The following FBXL17 variants were observed in gnomAD, a reference collection of about 807,000 sequenced individuals.
FBXL17 encodes the protein F-box and leucine rich repeat protein 17, also known as F-box/LRR-repeat protein 17.
Under a neutral mutation model 66.2 loss-of-function variants are expected in FBXL17, and 22 were observed. That is an observed-to-expected ratio of 0.33 (90% CI 0.24 to 0.47). FBXL17 has a LOEUF of 0.47. Among genes scored for constraint, FBXL17 ranks in the 20% least tolerant of loss-of-function variants. The probability of loss-of-function intolerance (pLI) is 1.00; values close to 1 mark genes in which losing one functional copy is unlikely to be tolerated. For missense variants in FBXL17, 878 were observed against 948.2 expected, an observed-to-expected ratio of 0.93 and a Z score of 0.97; for synonymous variants, 474 against 400.5, an observed-to-expected ratio of 1.18 and a Z score of -2.19.
intron 7 of FBXL17, among the ~76,000 whole-genome samples, chr5:107,977,423 T>C (rs1286588135): frequency 1.3e-5 from 2 of 152,210 alleles, no homozygotes; most frequent in Admixed American, 6.5e-5. Context: ...GTTGGTATTA[T>C]TACTCCTACT....
chr5:107,996,487 G>A (rs573272297), intron 7 of FBXL17, among the ~76,000 whole-genome samples: 1 of 152,174 alleles, frequency 6.6e-6, no homozygotes, highest in South Asian at 2.1e-4. Flanking sequence ...GCTAATTTTT[G>A]TATTTTTAGT....
rs745727643 is a variant in FBXL17 at position 108,348,439 on chromosome 5, C to G, written c.1466G>C (p.Cys489Ser). Residue 489 changes from cysteine to serine, a missense_variant, in exon 4 of 9, where the codon TGT (cysteine) becomes TCT (serine). Physicochemically the swap from Cys to Ser is moderately radical, Grantham distance 112. Transcript: ENST00000542267. ...CATGTATATCCTTTGTAATTTCAGA[C>G]AGCCCTTAGCTATGACGATCATGCC... ...DEGMIVIAKGCLKLQRIYMQE... is the reference protein window; with the variant it reads ...DEGMIVIAKGSLKLQRIYMQE... The G allele has an allele frequency of 6.2e-7, 1 of 1,613,552 alleles. No individual in the cohort carries two copies. The highest frequency in any genetic ancestry group is 8.5e-7 in the Non-Finnish European group (1 of 1,179,606).
intron 7 of FBXL17, among the ~76,000 whole-genome samples, chr5:107,916,819 C>A (rs1391184756): frequency 2.0e-5 from 3 of 152,124 alleles, no homozygotes; most frequent in African/African-American, 7.2e-5. Flanking sequence ...TCAGAACAGA[C>A]TGAATGAGAA....
At chr5:107,893,007 G>T (rs952832586) in intron 7 of FBXL17, among the ~76,000 whole-genome samples, 1 of 152,026 alleles carries the variant, frequency 6.6e-6, no homozygotes, top group Non-Finnish European at 1.5e-5. Context: ...TTCCCAGTTT[G>T]CTGTCTAATA....
intron 6 of FBXL17, among the ~76,000 whole-genome samples, chr5:108,092,999 A>C (rs977426268): frequency 2.0e-5 from 3 of 152,164 alleles, no homozygotes; most frequent in Non-Finnish European, 2.9e-5. Flanking sequence ...AGAATAAAAC[A>C]CTTCTAAACC....
chr5:108,153,617 C>T (rs1751854675), intron 6 of FBXL17, among the ~76,000 whole-genome samples: 1 of 152,086 alleles, frequency 6.6e-6, no homozygotes, highest in African/African-American at 2.4e-5. Context: ...CCCCACAGTT[C>T]CATGATCAGC....
At chr5:108,166,683 G>T (rs114595333) in intron 6 of FBXL17, among the ~76,000 whole-genome samples, 5,247 of 152,232 alleles carry the variant, frequency 0.034, 312 homozygotes, top group African/African-American at 0.12. Flanking sequence ...TCAAGAGCTT[G>T]CTGGCAGAAG....
At chr5:108,210,075 C>T (rs1754300435) in intron 5 of FBXL17, among the ~76,000 whole-genome samples, 5 of 152,100 alleles carry the variant, frequency 3.3e-5, no homozygotes, top group Admixed American at 3.3e-4. Context: ...TCCATTTCTT[C>T]CAGATTTTCT....
rs376910150 is a variant in FBXL17, at chr5:108,209,905, T to A, written c.1614+14216A>T. Reference sequence around the variant, plus strand: ...AAATGGTACCAGCTCCTCTTTGTACTTCTGGTAGAATGCTGCTGTGAATCC... The same window carrying A: ...AAATGGTACCAGCTCCTCTTTGTACATCTGGTAGAATGCTGCTGTGAATCC... On this transcript the variant is annotated intron_variant, in intron 5 of 8. Transcript: ENST00000542267. Among the ~76,000 whole-genome samples, 43 of 152,274 alleles carry A rather than the reference T, an allele frequency of 2.8e-4. No individual in the cohort carries two copies. The South Asian group carries it at 7.0e-3, about 25-fold the overall frequency.
intron 6 of FBXL17, among the ~76,000 whole-genome samples, chr5:108,139,329 C>T (rs1370955773): frequency 6.6e-6 from 1 of 152,210 alleles, no homozygotes; most frequent in Non-Finnish European, 1.5e-5. Context: ...CAAAATAATT[C>T]AGTCTATTGT....
intron 4 of FBXL17, among the ~76,000 whole-genome samples, chr5:108,285,511 G>C (rs1246375765): frequency 3.3e-5 from 5 of 151,800 alleles, no homozygotes; most frequent in Non-Finnish European, 7.4e-5. Flanking sequence ...GTGTTAACAG[G>C]CATAAAAATG....
chr5:108,353,899 T>G (rs745359518), intron 3 of FBXL17, among the ~76,000 whole-genome samples: 2 of 152,204 alleles, frequency 1.3e-5, no homozygotes, highest in South Asian at 2.1e-4. Flanking sequence ...TTTATGAAAG[T>G]TGCATTTCCC....
chr5:108,357,741 C>T lies in FBXL17; in HGVS notation c.1374+6997G>A, dbSNP rs531713424. On this transcript the variant is annotated intron_variant, in intron 3 of 8. Transcript: ENST00000542267. The stretch of plus-strand genomic sequence containing the variant: ...TAACACGTTTTTTTTTTAAATTATA[C>T]TTTAAGTTCTAGGGTACACGTGTAC... 5.9e-5 allele frequency among the ~76,000 whole-genome samples: 9 copies of T among 151,522 alleles called. 1 individual carries two copies. In the South Asian group the frequency reaches 1.9e-3, roughly 32 times the overall value.
At chr5:108,159,375 GTC>G (rs1186682830) in intron 6 of FBXL17, among the ~76,000 whole-genome samples, 1 of 152,186 alleles carries the variant, frequency 6.6e-6, no homozygotes, top group Non-Finnish European at 1.5e-5. Flanking sequence ...CGGTGTGAAT[GTC>G]TGTGTCCCCT....
At chr5:108,009,274 T>TATATAC (rs1360093798) in intron 7 of FBXL17, among the ~76,000 whole-genome samples, 2 of 45,826 alleles carry the variant, frequency 4.4e-5, no homozygotes, top group East Asian at 7.7e-4. Context: ...TATATATATA[T>TATATAC]ATATATATAT....
intron 4 of FBXL17, among the ~76,000 whole-genome samples, chr5:108,248,153 G>T (rs1756187260): frequency 6.6e-6 from 1 of 152,056 alleles, no homozygotes; most frequent in African/African-American, 2.4e-5. Flanking sequence ...ACAGATTTTA[G>T]AATTATTTGA....
intron 6 of FBXL17, among the ~76,000 whole-genome samples, chr5:108,036,049 T>C (rs1746828928): frequency 6.6e-6 from 1 of 152,216 alleles, no homozygotes; most frequent in African/African-American, 2.4e-5. Flanking sequence ...CTAACAATAA[T>C]CCAGGAGAAA....
chr5:108,277,662 C>A (rs1462126158), intron 4 of FBXL17, among the ~76,000 whole-genome samples: 1 of 152,064 alleles, frequency 6.6e-6, no homozygotes, highest in African/African-American at 2.4e-5. Context: ...GTAATTGGTA[C>A]AAAGAAAATT....
At chr5:108,188,051 T>C (rs1443212884) in intron 5 of FBXL17, among the ~76,000 whole-genome samples, 6 of 152,204 alleles carry the variant, frequency 3.9e-5, no homozygotes, top group Admixed American at 3.9e-4. Context: ...TTTTAATTAA[T>C]TTGTATTTAA....
Sources: allele counts gnomAD v4.1 joint callset (sites outside exome capture counted in the v4.1 genomes callset), GRCh38; gene constraint gnomAD v4.1.1; transcripts MANE v1.5; gene names NCBI Gene and HGNC (gene_info 2026-07-23, HGNC 2026-07-21).